SSBP3: variants seen among roughly 807,000 people sequenced by gnomAD.
SSBP3 encodes single-stranded DNA-binding protein 3.
In SSBP3, 5 loss-of-function variants were observed where a neutral mutation model predicts 69.6. The ratio of observed to expected loss-of-function variants is 0.07; its 90% CI spans 0.04 to 0.15. The LOEUF (loss-of-function observed/expected upper bound fraction) is 0.15, where lower values mean the gene tolerates loss of function less well. SSBP3 is among the 10% of genes least tolerant of loss of function. The pLI is 1.00. For synonymous variants in SSBP3, 196 were observed against 193.4 expected (o/e 1.01, Z -0.11); for missense variants, 312 against 534.0 (o/e 0.58, Z 4.10).
At chr1:54,365,682 A>G (rs1038356055) in intron 4 of SSBP3, among the ~76,000 whole-genome samples, 4 of 152,128 alleles carry the variant, frequency 2.6e-5, no homozygotes, top group African/African-American at 7.2e-5. Context: ...CAGCTCCGTC[A>G]TGAACGGCCA....
At chr1:54,304,997 C>A (rs191036449) in intron 4 of SSBP3, among the ~76,000 whole-genome samples, 1 of 152,268 alleles carries the variant, frequency 6.6e-6, no homozygotes, top group Non-Finnish European at 1.5e-5. Context: ...AGCATGTGCA[C>A]TCCACCAGCA....
At chr1:54,379,571 C>T (rs1159940814) in intron 4 of SSBP3, among the ~76,000 whole-genome samples, 1 of 152,206 alleles carries the variant, frequency 6.6e-6, no homozygotes, top group Non-Finnish European at 1.5e-5. Flanking sequence ...CCACATTTTA[C>T]ATGAACAAAG....
At chr1:54,380,461 G>C (rs995135393) in intron 4 of SSBP3, among the ~76,000 whole-genome samples, 2 of 152,242 alleles carry the variant, frequency 1.3e-5, no homozygotes, top group Non-Finnish European at 2.9e-5. Flanking sequence ...CTCGTGGAAA[G>C]AACGCCGTGC....
intron 14 of SSBP3, among the ~76,000 whole-genome samples, chr1:54,235,152 A>G (rs1168740612): frequency 6.6e-6 from 1 of 152,092 alleles, no homozygotes; most frequent in Non-Finnish European, 1.5e-5. Flanking sequence ...ATTCACGTCC[A>G]TCTCTCCAAA....
upstream of SSBP3, among the ~76,000 whole-genome samples, chr1:54,409,627 C>T (rs773758942): frequency 2.6e-5 from 4 of 152,162 alleles, no homozygotes; most frequent in African/African-American, 4.8e-5. Flanking sequence ...CCACACCCTC[C>T]TAAACTACAG....
chr1:54,349,717 C>CAAA (rs5774184), intron 4 of SSBP3, among the ~76,000 whole-genome samples: 3 of 138,820 alleles, frequency 2.2e-5, no homozygotes, highest in African/African-American at 7.7e-5. Context: ...GTGGATGGGC[C>CAAA]AAAAAAAAAA....
chr1:54,297,019 C>G (rs1211019008), intron 4 of SSBP3, among the ~76,000 whole-genome samples: 3 of 152,198 alleles, frequency 2.0e-5, no homozygotes, highest in African/African-American at 7.2e-5. Context: ...TATATCCGAC[C>G]TATCTTGCTG....
upstream of SSBP3, among the ~76,000 whole-genome samples, chr1:54,408,637 T>A (rs963545553): frequency 1.3e-5 from 2 of 152,236 alleles, no homozygotes; most frequent in African/African-American, 4.8e-5. Flanking sequence ...TATTTGAGCA[T>A]CAGTTTCTTC....
intron 13 of SSBP3, 145 bp downstream of exon 13, chr1:54,240,760 C>T: frequency 9.5e-7 from 1 of 1,049,002 alleles, no homozygotes; most frequent in South Asian, 1.4e-5. Context: ...ACCCCCTGCC[C>T]TCTAAATGCC....
chr1:54,300,212 C>CT (rs1645776635), intron 4 of SSBP3, among the ~76,000 whole-genome samples: 1 of 152,134 alleles, frequency 6.6e-6, no homozygotes, highest in Admixed American at 6.5e-5. Context: ...CTCAACAGCC[C>CT]TACAGCAAGA....
chr1:54,333,560 C>T (rs1489952035), intron 4 of SSBP3, among the ~76,000 whole-genome samples: 2 of 152,062 alleles, frequency 1.3e-5, no homozygotes, highest in Admixed American at 6.5e-5. Context: ...AGTGAGACCC[C>T]GTTTCTACAT....
chr1:54,254,574 C>T (rs1464888934), intron 7 of SSBP3, among the ~76,000 whole-genome samples: 3 of 152,238 alleles, frequency 2.0e-5, no homozygotes, highest in Non-Finnish European at 4.4e-5. Context: ...TTTCACTCCC[C>T]TCACCCAAAA....
At chr1:54,347,056 G>T (rs1188648352) in intron 4 of SSBP3, among the ~76,000 whole-genome samples, 4 of 152,002 alleles carry the variant, frequency 2.6e-5, no homozygotes, top group African/African-American at 9.7e-5. Flanking sequence ...TGGACTCCTG[G>T]GATCAAGCAA....
chr1:54,289,047 A>AAAAAAC (rs1427436078), intron 4 of SSBP3, among the ~76,000 whole-genome samples: 2 of 116,728 alleles, frequency 1.7e-5, no homozygotes, highest in Non-Finnish European at 3.6e-5. Context: ...CAAAAAAACA[A>AAAAAAC]AAAAAAAAAA....
intron 4 of SSBP3, among the ~76,000 whole-genome samples, chr1:54,310,569 C>A (rs578256956): frequency 2.0e-5 from 3 of 152,258 alleles, no homozygotes; most frequent in Admixed American, 2.0e-4. Flanking sequence ...TAAACCATTC[C>A]CAACACACCC....
intron 4 of SSBP3, among the ~76,000 whole-genome samples, chr1:54,377,604 C>A (rs140276152): frequency 1.8e-4 from 28 of 152,248 alleles, no homozygotes; most frequent in African/African-American, 6.5e-4. Flanking sequence ...GCATTTCCAG[C>A]GACAGACACC....
At chr1:54,325,773 C>T (rs191589192) in intron 4 of SSBP3, among the ~76,000 whole-genome samples, 1 of 152,318 alleles carries the variant, frequency 6.6e-6, no homozygotes, top group East Asian at 1.9e-4. Context: ...CTGCCGATGT[C>T]AATTCATTAG....
chr1:54,258,371 AG>A lies in SSBP3; in HGVS notation c.367-223del, dbSNP rs991579043. ...GAGAGAAGCTGATAAATACATTCACAGGGGGTTGAAAGAACAAAAAATGAAG... is the reference window on the plus strand; with the variant it reads ...GAGAGAAGCTGATAAATACATTCACAGGGGTTGAAAGAACAAAAAATGAAG... On this transcript the variant is annotated intron_variant, in intron 5 of 17. Coordinates refer to ENST00000610401, the Ensembl canonical transcript of SSBP3. The surrounding 1 kb of genome is among the most constrained non-coding windows in gnomAD (Gnocchi z 4.5). 2.9e-4 allele frequency among the ~76,000 whole-genome samples: 44 copies of A among 152,288 alleles called. No homozygotes were observed. Among genetic ancestry groups the A allele is most frequent in the Admixed American group, 2.7e-3 (42 of 15,294 alleles).
chr1:54,315,411 C>T (rs1340350680), intron 4 of SSBP3, among the ~76,000 whole-genome samples: 1 of 152,082 alleles, frequency 6.6e-6, no homozygotes, highest in African/African-American at 2.4e-5. Context: ...ATGAGAAGCA[C>T]ACAGCAGATG....
Sources: allele counts gnomAD v4.1 joint callset (sites outside exome capture counted in the v4.1 genomes callset), GRCh38; gene constraint gnomAD v4.1.1; non-coding constraint Gnocchi (gnomAD v3.1); transcripts MANE v1.5; gene names NCBI Gene and HGNC (gene_info 2026-07-23, HGNC 2026-07-21).